The following PUDP variants were observed in gnomAD, a reference collection of about 807,000 sequenced individuals.
The protein encoded by PUDP is pseudouridine-5'-phosphatase.
PUDP carries 8 observed loss-of-function variants against 9.4 expected under a neutral mutation model. That is an observed-to-expected ratio of 0.85 (90% CI 0.50 to 1.53). The LOEUF is 1.53. Ranked by LOEUF, PUDP falls within the 40% of genes most tolerant of loss-of-function variation. The probability of loss-of-function intolerance (pLI) is 0.00; values close to 1 mark genes in which losing one functional copy is unlikely to be tolerated. For missense variants in PUDP, 188 were observed against 189.7 expected (o/e 0.99, Z 0.05); for synonymous variants, 99 against 80.7 (o/e 1.23, Z -1.22).
intron 3 of PUDP, among the ~76,000 whole-genome samples, chrX:6,899,187 T>C (rs770854406): frequency 1.9e-4 from 22 of 112,970 alleles, no homozygotes; most frequent in Non-Finnish European, 3.9e-4. Flanking sequence ...TGCAATGGCT[T>C]TGAAGATGGG....
At chrX:6,720,244 ATGTGTGTG>A (rs755475547) in intron 1 of PUDP, among the ~76,000 whole-genome samples, 2 of 63,597 alleles carry the variant, frequency 3.1e-5, no homozygotes, top group Non-Finnish European at 5.7e-5. Context: ...GTATATATGT[ATGTGTGTG>A]TGTGTGTATA....
intron 3 of PUDP, among the ~76,000 whole-genome samples, chrX:6,777,964 T>C (rs1479010211): frequency 8.9e-6 from 1 of 112,203 alleles, no homozygotes; most frequent in Admixed American, 9.5e-5. Context: ...TAGTCTACTA[T>C]AGTGCTGCTT....
At chrX:7,061,396 T>G (rs1172027943) in intron 3 of PUDP, among the ~76,000 whole-genome samples, 1 of 111,641 alleles carries the variant, frequency 9.0e-6, no homozygotes, top group Non-Finnish European at 1.9e-5. Flanking sequence ...AAGCCAATTT[T>G]TATACCTTGG....
chrX:7,022,331 T>C (rs1454317949), intron 1 of PUDP, among the ~76,000 whole-genome samples: 1 of 111,801 alleles, frequency 8.9e-6, no homozygotes, highest in East Asian at 2.8e-4. Flanking sequence ...ATTCATGAAA[T>C]AGAGCTGGGA....
At chrX:6,915,536 T>C (rs917801403) in intron 3 of PUDP, among the ~76,000 whole-genome samples, 13 of 111,671 alleles carry the variant, frequency 1.2e-4, no homozygotes, top group African/African-American at 3.6e-4. Context: ...TCTGTCTACT[T>C]ACAAGCAAAT....
At chrX:6,718,118 T>G (rs1477803857) in intron 1 of PUDP, among the ~76,000 whole-genome samples, 2 of 111,733 alleles carry the variant, frequency 1.8e-5, no homozygotes, top group African/African-American at 3.3e-5. Flanking sequence ...TATATAGTTT[T>G]GCAAATATTT....
chrX:7,114,058 C>G (rs924614162), intron 1 of PUDP, among the ~76,000 whole-genome samples: 2 of 90,132 alleles, frequency 2.2e-5, no homozygotes, highest in African/African-American at 4.3e-5. Flanking sequence ...CTCTCTCTCT[C>G]TCTCTCTTTT....
At chrX:6,751,775 C>G (rs1423793584) in intron 3 of PUDP, among the ~76,000 whole-genome samples, 2 of 111,426 alleles carry the variant, frequency 1.8e-5, no homozygotes, top group African/African-American at 6.5e-5. Context: ...GTGCAAAAAC[C>G]TATAAATTAT....
intron 3 of PUDP, among the ~76,000 whole-genome samples, chrX:6,751,937 C>T (rs1293969819): frequency 9.0e-6 from 1 of 110,635 alleles, no homozygotes; most frequent in Non-Finnish European, 1.9e-5. Flanking sequence ...CTGAATCCTC[C>T]CTGGCCACTT....
intron 3 of PUDP, among the ~76,000 whole-genome samples, chrX:6,763,816 T>C (rs767095344): frequency 2.9e-4 from 33 of 112,066 alleles, no homozygotes; most frequent in Non-Finnish European, 5.3e-4. Flanking sequence ...TATTATCCTT[T>C]AGAAAAGCAG....
intron 1 of PUDP, among the ~76,000 whole-genome samples, chrX:7,135,377 G>C (rs1459343373): frequency 8.1e-5 from 9 of 111,785 alleles, no homozygotes; most frequent in Non-Finnish European, 9.4e-5. Flanking sequence ...ACAAACTATC[G>C]GATTCCAATT....
At chrX:6,782,524 C>T (rs778111673) in intron 3 of PUDP, among the ~76,000 whole-genome samples, 3 of 111,494 alleles carry the variant, frequency 2.7e-5, no homozygotes, top group East Asian at 5.7e-4. Flanking sequence ...AAGCAGAAAT[C>T]GCACCACTGC....
chrX:6,899,610 A>T (rs1040744394), intron 3 of PUDP, among the ~76,000 whole-genome samples: 2 of 111,199 alleles, frequency 1.8e-5, no homozygotes, highest in African/African-American at 6.6e-5. Context: ...TAAGGATTTA[A>T]ACAAAGACAG....
At chrX:6,843,633 G>A (rs1164199931) in intron 3 of PUDP, among the ~76,000 whole-genome samples, 2 of 111,514 alleles carry the variant, frequency 1.8e-5, no homozygotes, top group South Asian at 3.8e-4. Context: ...AGCGATGGAA[G>A]GTGCAGTCCC....
At chrX:6,785,273 A>T (rs1262722217) in intron 3 of PUDP, among the ~76,000 whole-genome samples, 2 of 111,915 alleles carry the variant, frequency 1.8e-5, no homozygotes, top group African/African-American at 6.5e-5. Context: ...GCCTACTTAA[A>T]TTTACTGAAT....
chrX:6,841,004 C>T (rs1237507981), intron 3 of PUDP, among the ~76,000 whole-genome samples: 7 of 111,938 alleles, frequency 6.3e-5, no homozygotes, highest in Non-Finnish European at 9.4e-5. Flanking sequence ...TTAGGTTGGG[C>T]GCGGAGGCTC....
intron 1 of PUDP, among the ~76,000 whole-genome samples, chrX:6,718,884 T>A (rs1215709355): frequency 1.8e-5 from 2 of 111,693 alleles, no homozygotes; most frequent in Non-Finnish European, 3.8e-5. Flanking sequence ...GGTGGTTTCT[T>A]GGAGCTGAGA....
intron 1 of PUDP, among the ~76,000 whole-genome samples, chrX:7,014,791 C>T: frequency 8.9e-6 from 1 of 111,787 alleles, no homozygotes; most frequent in Non-Finnish European, 1.9e-5. Flanking sequence ...TGAAGCACAA[C>T]AGAGGAGTAT....
At chrX:7,008,808 T>C (rs1929438238) in intron 1 of PUDP, among the ~76,000 whole-genome samples, 1 of 112,473 alleles carries the variant, frequency 8.9e-6, no homozygotes, top group Non-Finnish European at 1.9e-5. Flanking sequence ...TCATGAAACA[T>C]TGAAAATAGC....
Sources: allele counts gnomAD v4.1 joint callset (sites outside exome capture counted in the v4.1 genomes callset), GRCh38; gene constraint gnomAD v4.1.1; transcripts MANE v1.5; gene names NCBI Gene and HGNC (gene_info 2026-07-23, HGNC 2026-07-21).